Variants in NELL1 observed in about 807,000 individuals in gnomAD.
NELL1 encodes the protein neural EGFL like 1, also known as protein kinase C-binding protein NELL1.
In NELL1, 76 loss-of-function variants were observed where a neutral mutation model predicts 107.4. That is an observed-to-expected ratio of 0.71 (90% CI 0.59 to 0.86). The LOEUF (loss-of-function observed/expected upper bound fraction) is 0.86, where lower values mean the gene tolerates loss of function less well. Ranked by LOEUF, NELL1 falls within the 40% of genes least tolerant of loss-of-function variation. The pLI, the probability that NELL1 is intolerant of heterozygous loss-of-function variation, is 0.00. For synonymous variants in NELL1, 353 were observed against 341.2 expected (o/e 1.03, Z -0.38); for missense variants, 1,024 against 1,005.5 (o/e 1.02, Z -0.25).
At chr11:20,829,627 C>T (rs879298076) in intron 3 of NELL1, among the ~76,000 whole-genome samples, 6 of 152,008 alleles carry the variant, frequency 3.9e-5, no homozygotes, top group Non-Finnish European at 7.4e-5. Context: ...TTGTCCAGCC[C>T]ACATTTCATT....
intron 12 of NELL1, among the ~76,000 whole-genome samples, chr11:20,986,420 T>C (rs12417870): frequency 0.13 from 19,952 of 152,234 alleles, 1,519 homozygotes; most frequent in East Asian, 0.26. Context: ...AATTTGGAGA[T>C]GCTTGTCTTA....
intron 7 of NELL1, among the ~76,000 whole-genome samples, chr11:20,921,176 AC>A (rs1850369075): frequency 1.3e-5 from 2 of 152,134 alleles, no homozygotes; most frequent in Non-Finnish European, 2.9e-5. Flanking sequence ...AACTATAAGA[AC>A]CATTCTTAGC....
At chr11:21,371,691 T>TA (rs1851361352) in intron 15 of NELL1, among the ~76,000 whole-genome samples, 1 of 152,062 alleles carries the variant, frequency 6.6e-6, no homozygotes, top group South Asian at 2.1e-4. Flanking sequence ...TTTGTTAGGG[T>TA]AAAATCACTG....
At chr11:21,237,733 A>T (rs1858246784) in intron 14 of NELL1, among the ~76,000 whole-genome samples, 1 of 151,958 alleles carries the variant, frequency 6.6e-6, no homozygotes, top group Non-Finnish European at 1.5e-5. Flanking sequence ...TAAAATCATC[A>T]ATCTTTCCTT....
At chr11:21,448,605 T>C in intron 15 of NELL1, among the ~76,000 whole-genome samples, 1 of 152,316 alleles carries the variant, frequency 6.6e-6, no homozygotes, top group Non-Finnish European at 1.5e-5. Flanking sequence ...CCATTTCAGG[T>C]TTACAATTTG....
intron 15 of NELL1, among the ~76,000 whole-genome samples, chr11:21,532,556 A>G (rs1856015715): frequency 6.6e-6 from 1 of 152,162 alleles, no homozygotes; most frequent in Non-Finnish European, 1.5e-5. Flanking sequence ...AGATGCTTCT[A>G]TTTGTGTATC....
intron 12 of NELL1, among the ~76,000 whole-genome samples, chr11:20,988,433 ATATATC>A (rs1011928830): frequency 5.7e-4 from 69 of 121,562 alleles, no homozygotes; most frequent in African/African-American, 2.6e-3. Context: ...ATGTGTGTAT[ATATATC>A]TATATATACA....
chr11:21,165,769 T>TG (rs1856467100), intron 13 of NELL1, among the ~76,000 whole-genome samples: 1 of 147,984 alleles, frequency 6.8e-6, no homozygotes, highest in South Asian at 2.2e-4. Context: ...TTTTTTTTTT[T>TG]TTTTTTTTTT....
At chr11:21,432,680 G>A (rs908571142) in intron 15 of NELL1, among the ~76,000 whole-genome samples, 26 of 151,914 alleles carry the variant, frequency 1.7e-4, no homozygotes, top group Non-Finnish European at 3.7e-4. Flanking sequence ...TTCTGAATTT[G>A]GTAATTTTAT....
intron 13 of NELL1, among the ~76,000 whole-genome samples, chr11:21,117,039 G>A (rs1002372187): frequency 6.6e-6 from 1 of 151,704 alleles, no homozygotes; most frequent in Non-Finnish European, 1.5e-5. Flanking sequence ...ACATGGCCAT[G>A]CTGACCTTTG....
At chr11:20,956,269 T>C (rs1216209963) in intron 11 of NELL1, among the ~76,000 whole-genome samples, 1 of 151,990 alleles carries the variant, frequency 6.6e-6, no homozygotes, top group African/African-American at 2.4e-5. Context: ...TAAAAGATTA[T>C]TCTATTTGAA....
rs537609857 is a variant in NELL1, at chr11:20,837,012, A to G, written c.336-10571A>G. Among the ~76,000 whole-genome samples, 6 of 152,256 alleles carry G rather than the reference A, an allele frequency of 3.9e-5. No homozygotes were observed. In the East Asian group the frequency reaches 1.2e-3, roughly 29 times the overall value. On this transcript the variant is annotated intron_variant, in intron 3 of 19. Transcript: ENST00000357134. ...AGGATGGAATTCAGAATGTAACAGA[A>G]TATCTAACTGTATTATAAATGTGTG... is the stretch of plus-strand genomic sequence containing the variant.
intron 3 of NELL1, among the ~76,000 whole-genome samples, chr11:20,802,979 T>C (rs1431568457): frequency 6.6e-6 from 1 of 152,224 alleles, no homozygotes; most frequent in East Asian, 1.9e-4. Context: ...TAGTATTTTG[T>C]TGAGGATTTT....
At chr11:21,091,531 T>A (rs1854520534) in intron 12 of NELL1, among the ~76,000 whole-genome samples, 1 of 152,210 alleles carries the variant, frequency 6.6e-6, no homozygotes, top group African/African-American at 2.4e-5. Flanking sequence ...ATGATCATTC[T>A]AGGGTCTACT....
chr11:20,986,699 G>T (rs147021348), intron 12 of NELL1, among the ~76,000 whole-genome samples: 1 of 151,654 alleles, frequency 6.6e-6, no homozygotes, highest in Non-Finnish European at 1.5e-5. Context: ...TAGAATCACT[G>T]TTCTAGACAT....
chr11:21,281,401 A>G (rs1261928680), intron 14 of NELL1, among the ~76,000 whole-genome samples: 3 of 152,118 alleles, frequency 2.0e-5, no homozygotes, highest in Admixed American at 2.0e-4. Context: ...ATAGAATACC[A>G]GGTAGACTTC....
rs888924322 is a variant in NELL1, at chr11:21,235,618, A to G, written c.1549+6164A>G. On this transcript the variant is annotated intron_variant, in intron 14 of 19. Coordinates refer to ENST00000357134, the MANE Select transcript of NELL1 (RefSeq NM_006157.5). ...ACTATATAAGAAATTTGACTTTCGA[A>G]TTTCTTTAGAACTATTAGATGATTT... Among the ~76,000 whole-genome samples, 14 of 152,300 alleles carry G rather than the reference A, an allele frequency of 9.2e-5. No individual in the cohort carries two copies. In the South Asian group the frequency reaches 1.7e-3, roughly 18 times the overall value.
intron 3 of NELL1, among the ~76,000 whole-genome samples, chr11:20,839,762 G>T (rs1180621513): frequency 1.3e-5 from 2 of 152,174 alleles, no homozygotes; most frequent in African/African-American, 4.8e-5. Flanking sequence ...TTTACATCTG[G>T]CATATTTTTT....
At chr11:21,470,814 G>C (rs551336514) in intron 15 of NELL1, among the ~76,000 whole-genome samples, 62 of 152,210 alleles carry the variant, frequency 4.1e-4, no homozygotes, top group Middle Eastern at 3.4e-3. Flanking sequence ...CTAGAGCTCA[G>C]GTCCTGCACT....
Sources: gnomAD v4.1 joint callset for allele counts (sites outside exome capture counted in the v4.1 genomes callset) on GRCh38, gnomAD v4.1.1 for gene constraint, MANE v1.5 for transcripts, NCBI Gene and HGNC (gene_info 2026-07-23, HGNC 2026-07-21) for gene names.